The following KCNJ16 variants were observed in gnomAD, a reference collection of about 807,000 sequenced individuals.
KCNJ16 encodes the protein potassium inwardly rectifying channel subfamily J member 16.
A neutral mutation model predicts 18.5 loss-of-function variants in KCNJ16; 15 were observed. The ratio of observed to expected loss-of-function variants is 0.81; its 90% CI spans 0.54 to 1.25. The LOEUF is 1.25. Ranked by LOEUF, KCNJ16 falls within the 50% of genes most tolerant of loss-of-function variation. KCNJ16 has a pLI of 0.00. For missense variants in KCNJ16, 523 were observed against 525.7 expected (o/e 0.99, Z 0.05); for synonymous variants, 174 against 186.5 (o/e 0.93, Z 0.55).
At position 70,133,504 on chromosome 17, in the gene KCNJ16, C is replaced by G. The variant is rs1256718140; in HGVS notation, c.*160C>G. 3 of 613,524 alleles carry G rather than the reference C, an allele frequency of 4.9e-6. No homozygotes were observed. Among genetic ancestry groups the G allele is most frequent in the Non-Finnish European group, 8.3e-6 (3 of 362,836 alleles). 38.0% of individuals were successfully genotyped at this position (613,524 alleles called of 1,614,324 possible). A position where few individuals can be genotyped will look rare whatever the true frequency, so the allele number is the denominator to read the frequency against. On this transcript the variant is annotated 3_prime_UTR_variant, in exon 4 of 4. Coordinates refer to ENST00000392671, the MANE Select transcript of KCNJ16 (RefSeq NM_170741.4). The stretch of plus-strand genomic sequence containing the variant: ...CTTGGTAAAAGATAATCTAAAAATT[C>G]CATAGTTCTCAGTTATTAAAATTTT...
chr17:70,085,955 A>AATG (rs2143629168), intron 1 of KCNJ16, among the ~76,000 whole-genome samples: 1 of 152,320 alleles, frequency 6.6e-6, no homozygotes, highest in Non-Finnish European at 1.5e-5. Context: ...GATGGGGGAA[A>AATG]ATGTAACCAT....
intron 2 of KCNJ16, among the ~76,000 whole-genome samples, chr17:70,127,155 A>T (rs893227491): frequency 2.0e-5 from 3 of 152,194 alleles, no homozygotes; most frequent in Non-Finnish European, 4.4e-5. Flanking sequence ...ATGGAGGATT[A>T]GGGTTAGGGG....
intron 2 of KCNJ16, chr17:70,108,521 A>AT (rs1187418518): frequency 6.6e-6 from 1 of 152,210 alleles, no homozygotes; most frequent in Non-Finnish European, 1.5e-5. Flanking sequence ...CCACATCAAC[A>AT]TATCTGCTTT....
chr17:70,100,433 A>G (rs1482333626), intron 1 of KCNJ16, among the ~76,000 whole-genome samples: 1 of 152,024 alleles, frequency 6.6e-6, no homozygotes, highest in Non-Finnish European at 1.5e-5. Flanking sequence ...TCAGTACTGG[A>G]ATTTACTCCA....
chr17:70,132,656 T>C lies in KCNJ16; in HGVS notation c.569T>C (p.Ile190Thr), dbSNP rs36018556. The change falls in exon 4 of 4, where the codon ATA (isoleucine) becomes ACA (threonine). Residue 190 changes from isoleucine (I) to threonine (T), a missense_variant. Transcript: ENST00000392671. The stretch of plus-strand genomic sequence containing the variant: ...ATTCGTTTCAGCTACTTTGCACTTA[T>C]AGGTATGAGAGATGGGAAGCTTTGC... ...QTIRFSYFAL[I>T]GMRDGKLCLM... The C allele has an allele frequency of 3.5e-5, 56 of 1,614,154 alleles. 1 individual carries two copies. In the African/African-American group the frequency reaches 4.0e-4, roughly 12 times the overall value.
chr17:70,130,570 A>C (rs2074020935), intron 2 of KCNJ16, among the ~76,000 whole-genome samples: 1 of 152,166 alleles, frequency 6.6e-6, no homozygotes, highest in Non-Finnish European at 1.5e-5. Flanking sequence ...TGATCCCTGG[A>C]GGAAAAGAAA....
chr17:70,113,969 A>T (rs545575863), intron 2 of KCNJ16, among the ~76,000 whole-genome samples: 1 of 152,234 alleles, frequency 6.6e-6, no homozygotes, highest in African/African-American at 2.4e-5. Flanking sequence ...ACTAATAGAA[A>T]GTTAATCTCA....
chr17:70,087,529 C>G (rs1048836486), intron 1 of KCNJ16, among the ~76,000 whole-genome samples: 3 of 152,012 alleles, frequency 2.0e-5, no homozygotes, highest in Non-Finnish European at 4.4e-5. Context: ...TGGTGAAACC[C>G]GTTCTCTACT....
chr17:70,126,911 A>G (rs2073874947), intron 2 of KCNJ16, among the ~76,000 whole-genome samples: 1 of 152,206 alleles, frequency 6.6e-6, no homozygotes, highest in South Asian at 2.1e-4. Flanking sequence ...ATTTATAATC[A>G]GATGTAGATA....
At chr17:70,119,517 G>A (rs1167592601) in intron 2 of KCNJ16, among the ~76,000 whole-genome samples, 1 of 152,200 alleles carries the variant, frequency 6.6e-6, no homozygotes, top group Non-Finnish European at 1.5e-5. Flanking sequence ...AGGCTACCAA[G>A]CCTCATAACT....
chr17:70,085,475 G>A (rs2095783347), intron 1 of KCNJ16, among the ~76,000 whole-genome samples: 1 of 152,120 alleles, frequency 6.6e-6, no homozygotes, highest in Non-Finnish European at 1.5e-5. Flanking sequence ...TTAACCAGTA[G>A]TGTATGTCTT....
chr17:70,081,875 T>C (rs1475725178), intron 1 of KCNJ16, among the ~76,000 whole-genome samples: 1 of 152,080 alleles, frequency 6.6e-6, no homozygotes, highest in Non-Finnish European at 1.5e-5. Context: ...AGTAATACCA[T>C]GATAATTGCT....
intron 2 of KCNJ16, among the ~76,000 whole-genome samples, chr17:70,117,225 C>T (rs1487709462): frequency 6.6e-6 from 1 of 152,156 alleles, no homozygotes; most frequent in Admixed American, 6.6e-5. Context: ...ACTGCATGTT[C>T]TCACTTAAAA....
chr17:70,108,759 T>C (rs1474186860), intron 2 of KCNJ16, among the ~76,000 whole-genome samples: 2 of 152,156 alleles, frequency 1.3e-5, no homozygotes, highest in South Asian at 2.1e-4. Flanking sequence ...CTTGATTTTC[T>C]GGGAAAGATA....
chr17:70,098,038 T>C (rs1056481834), intron 1 of KCNJ16, among the ~76,000 whole-genome samples: 5 of 152,190 alleles, frequency 3.3e-5, no homozygotes, highest in Admixed American at 6.5e-5. Flanking sequence ...CCTAGAATAA[T>C]ACAAATTCTT....
chr17:70,079,989 A>G (rs1297301567), intron 1 of KCNJ16, among the ~76,000 whole-genome samples: 1 of 152,158 alleles, frequency 6.6e-6, no homozygotes, highest in African/African-American at 2.4e-5. Context: ...AGGCGTGAGC[A>G]ACCACATCTG....
intron 2 of KCNJ16, among the ~76,000 whole-genome samples, chr17:70,112,861 A>G (rs2073247063): frequency 6.6e-6 from 1 of 152,218 alleles, no homozygotes; most frequent in Admixed American, 6.5e-5. Flanking sequence ...CTTGGCTAAG[A>G]AATAATTTTG....
chr17:70,095,746 A>AT (rs1259122062), intron 1 of KCNJ16, among the ~76,000 whole-genome samples: 1 of 152,090 alleles, frequency 6.6e-6, no homozygotes, highest in Non-Finnish European at 1.5e-5. Context: ...TTAGGAAATC[A>AT]TTTAGGGCCA....
intron 1 of KCNJ16, among the ~76,000 whole-genome samples, chr17:70,082,051 T>C (rs2143572029): frequency 6.6e-6 from 1 of 152,160 alleles, no homozygotes; most frequent in East Asian, 1.9e-4. Context: ...GTGCAGTGAC[T>C]CGTTCTGTTG....
Sources: allele counts gnomAD v4.1 joint callset (sites outside exome capture counted in the v4.1 genomes callset), GRCh38; gene constraint gnomAD v4.1.1; transcripts MANE v1.5; gene names NCBI Gene and HGNC (gene_info 2026-07-23, HGNC 2026-07-21).